Variants in PDE6B observed in about 807,000 individuals in gnomAD.
The protein encoded by PDE6B is rod cGMP-specific 3',5'-cyclic phosphodiesterase subunit beta.
A neutral mutation model predicts 109.0 loss-of-function variants in PDE6B; 106 were observed. The ratio of observed to expected loss-of-function variants is 0.97; its 90% confidence interval spans 0.83 to 1.14. The LOEUF (loss-of-function observed/expected upper bound fraction) is 1.14, where lower values mean the gene tolerates loss of function less well. Among genes scored for constraint, PDE6B ranks in the 50% most tolerant of loss-of-function variants. The pLI is 0.00. For synonymous variants in PDE6B, 490 were observed against 471.3 expected (o/e 1.04, Z -0.51); for missense variants, 1,193 against 1,155.6 (o/e 1.03, Z -0.47).
In PDE6B at chr4:625,802, T is replaced by A. The variant is rs749588111; in HGVS notation, c.176T>A (p.Leu59Gln). 3 of 1,613,300 alleles carry A rather than the reference T, an allele frequency of 1.9e-6. No individual in the cohort carries two copies. The highest frequency in any genetic ancestry group is 2.5e-6 in the Non-Finnish European group (3 of 1,179,946). The change falls in exon 1 of 22, where the codon CTG (leucine) becomes CAG (glutamine). Residue 59 changes from leucine to glutamine, a missense_variant. Coordinates refer to ENST00000496514, the MANE Select transcript of PDE6B (RefSeq NM_000283.4). This position sits in a 1 kb window ranked among gnomAD's most constrained non-coding sequence, Gnocchi z 5.0. ...TGCCAGGTGGAGGAGAGCACGGCGC[T>A]GCTGGAGCTGGTGCAGGATATGCAG... ...DLCQVEESTA[L>Q]LELVQDMQES...
chr4:644,679 G>A lies in PDE6B; in HGVS notation c.711+8710G>A, dbSNP rs758696913. ...CGAGTAGCTGGGACTACAGGCACAC[G>A]CCACCACGCCCACCTACTTTTTATA... On this transcript the variant is annotated intron_variant, in intron 3 of 21. Coordinates refer to ENST00000496514, the MANE Select transcript of PDE6B (RefSeq NM_000283.4). Among the ~76,000 whole-genome samples, 9 of 151,984 alleles carry A rather than the reference G, an allele frequency of 5.9e-5. No individual in the cohort carries two copies. The South Asian group carries it at 6.2e-4, about 11-fold the overall frequency.
chr4:666,396 C>T lies in PDE6B; in HGVS notation c.2269-135C>T. The T allele has an allele frequency of 1.4e-6, 1 of 702,914 alleles. No homozygotes were observed. The highest frequency in any genetic ancestry group is 1.5e-5 in the South Asian group (1 of 68,464). The allele number at this position is 702,914 out of a possible 1,614,324, so 43.5% of individuals were successfully genotyped here. Reference sequence around the variant, plus strand: ...GGTGTCAGCTTCCCCTCCCGAGAGCCAGTTTCTGTCAGGCAGGCTCGTCCC... The same window carrying T: ...GGTGTCAGCTTCCCCTCCCGAGAGCTAGTTTCTGTCAGGCAGGCTCGTCCC... On this transcript the variant is annotated intron_variant, in intron 19 of 21. Coordinates refer to ENST00000496514, the MANE Select transcript of PDE6B (RefSeq NM_000283.4). The surrounding 1 kb of genome is among the most constrained non-coding windows in gnomAD (Gnocchi z 5.6).
chr4:659,264 C>T (rs774797477), intron 11 of PDE6B, among the ~76,000 whole-genome samples: 10 of 152,188 alleles, frequency 6.6e-5, no homozygotes, highest in Non-Finnish European at 1.2e-4. Flanking sequence ...TTGATGTCTG[C>T]ACTCCTGAGT....
intron 1 of PDE6B, among the ~76,000 whole-genome samples, chr4:627,164 T>TTTTTTA (rs1734151490): frequency 6.6e-6 from 1 of 151,338 alleles, no homozygotes; most frequent in African/African-American, 2.4e-5. Flanking sequence ...TTTTTTTTTT[T>TTTTTTA]GAGACAGAGT....
chr4:668,034 G>A, intron 21 of PDE6B, 28 bp downstream of exon 21: 1 of 1,602,802 alleles, frequency 6.2e-7, no homozygotes. Flanking sequence ...CTGTGGGGCA[G>A]GGACTCGGTG....
chr4:633,861 CG>C lies in PDE6B; in HGVS notation c.469-810del, dbSNP rs1196013862. ...CTCTGAAGGACAGAATCCCAGTCAC[CG>C]GGGGGTGTCTGGTCTCAGTAACCCT... On this transcript the variant is annotated intron_variant, in intron 1 of 21. Transcript: ENST00000496514. This position sits in a 1 kb window ranked among gnomAD's most constrained non-coding sequence, Gnocchi z 4.5. Among the ~76,000 whole-genome samples the C allele has an allele frequency of 5.3e-5, 8 of 152,136 alleles. No homozygotes were observed. The highest frequency in any genetic ancestry group is 1.9e-4 in the African/African-American group (8 of 41,426).
intron 3 of PDE6B, among the ~76,000 whole-genome samples, chr4:649,908 C>T (rs1347472808): frequency 1.3e-5 from 2 of 152,238 alleles, no homozygotes; most frequent in Non-Finnish European, 2.9e-5. Context: ...GTCTCTGTGC[C>T]TTCTGCCCCC....
rs60635284 is a variant in PDE6B, at chr4:656,985, G to T, written c.1219G>T (p.Gly407Trp). The part of the protein sequence containing the change: ...GVATFYNRKD[G>W]KPFDEQDEVL... ...CGCCACATTTTACAACAGGAAAGAC[G>T]GGAAGCCCTTTGACGAACAGGACGA... The change falls in exon 9 of 22, where the codon GGG becomes TGG. Residue 407 changes from glycine (G) to tryptophan (W), a missense_variant. Transcript: ENST00000496514. The T allele has an allele frequency of 1.2e-6, 2 of 1,613,278 alleles. No individual in the cohort carries two copies. Among genetic ancestry groups the T allele is most frequent in the Non-Finnish European group, 1.7e-6 (2 of 1,179,944 alleles).
intron 17 of PDE6B, among the ~76,000 whole-genome samples, chr4:664,544 A>G (rs1245655884): frequency 6.6e-6 from 1 of 152,170 alleles, no homozygotes; most frequent in Admixed American, 6.5e-5. Flanking sequence ...CCAGGGACCC[A>G]GTGAGAAAAT....
At position 656,933 on chromosome 4, in the gene PDE6B, C is replaced by T. The variant is rs1451203261; in HGVS notation, c.1167C>T (p.Val389=). 6.2e-7 allele frequency: 1 copy of T among 1,613,048 alleles called. No homozygotes were observed. The highest frequency in any genetic ancestry group is 1.1e-5 in the South Asian group (1 of 91,088). The change falls in exon 9 of 22, where the codon GTC becomes GTT. Residue 389 remains valine, a synonymous_variant. Coordinates refer to ENST00000496514, the MANE Select transcript of PDE6B (RefSeq NM_000283.4). The part of the protein sequence containing the change: ...LIKNVLSMPI[V]NKKEEIVGVA... ...AGAATGTGCTGTCCATGCCCATCGT[C>T]AACAAGAAGGAGGAGATTGTGGGAG...
chr4:631,487 C>T (rs1205774031), intron 1 of PDE6B, among the ~76,000 whole-genome samples: 1 of 150,700 alleles, frequency 6.6e-6, no homozygotes, highest in Non-Finnish European at 1.5e-5. Context: ...CCCTGTGGCG[C>T]TGTCTGAAGG....
At chr4:643,197 A>G (rs1473325689) in intron 3 of PDE6B, among the ~76,000 whole-genome samples, 1 of 152,042 alleles carries the variant, frequency 6.6e-6, no homozygotes, top group Non-Finnish European at 1.5e-5. Flanking sequence ...AGTCCCAGCT[A>G]CTCAGGAGGC....
rs1734663082 is a variant in PDE6B, at chr4:636,045, G to A, written c.711+76G>A. ...CCCATCTCGCTGCCTGCACAGAGGC[G>A]GGTGGTGGCAGGTGGTCTTGTGCTC... On this transcript the variant is annotated intron_variant, in intron 3 of 21. Coordinates refer to ENST00000496514, the MANE Select transcript of PDE6B (RefSeq NM_000283.4). The surrounding 1 kb of genome is among the most constrained non-coding windows in gnomAD (Gnocchi z 4.5). 5 of 882,314 alleles carry A rather than the reference G, an allele frequency of 5.7e-6. No individual in the cohort carries two copies. The highest frequency in any genetic ancestry group is 3.4e-5 in the Admixed American group (2 of 58,280). 54.7% of individuals were successfully genotyped at this position (882,314 alleles called of 1,614,324 possible).
In PDE6B at chr4:626,469, G is replaced by A. The variant is rs1212086271; in HGVS notation, c.468+375G>A. Among the ~76,000 whole-genome samples the A allele has an allele frequency of 1.3e-5, 2 of 152,224 alleles. No individual in the cohort carries two copies. The highest frequency in any genetic ancestry group is 3.8e-4 in the East Asian group (2 of 5,196). ...GCTTCCAGGAAGACTGACCAGATGG[G>A]GGCTTCAGGGCTCTCTGGGCTGGGA... On this transcript the variant is annotated intron_variant, in intron 1 of 21. Transcript: ENST00000496514. The surrounding 1 kb of genome is among the most constrained non-coding windows in gnomAD (Gnocchi z 4.6).
At chr4:668,082 C>T (rs1738010995) in intron 21 of PDE6B, 76 bp downstream of exon 21, 8 of 1,416,462 alleles carry the variant, frequency 5.6e-6, no homozygotes, top group Non-Finnish European at 7.8e-6. Flanking sequence ...GGGCACAGAG[C>T]AGAGTTAAAA....
chr4:660,565 G>C lies in PDE6B; in HGVS notation c.1566G>C (p.Gln522His). Residue 522 changes from glutamine (Q) to histidine (H), a missense_variant, in exon 12 of 22, where the codon CAG (glutamine) becomes CAC (histidine). By Grantham distance (24) the Gln-to-His change is conservative. Coordinates refer to ENST00000496514, the MANE Select transcript of PDE6B (RefSeq NM_000283.4). The part of the protein sequence containing the change: ...TELDLVKCGI[Q>H]MYYELGVVRK... ...TGGACCTGGTCAAATGTGGCATCCA[G>C]ATGTACTACGAGCTGGGCGTGGTCC... 5.0e-6 allele frequency: 8 copies of C among 1,613,892 alleles called. No individual in the cohort carries two copies. Among genetic ancestry groups the C allele is most frequent in the Non-Finnish European group, 5.9e-6 (7 of 1,179,944 alleles).
At chr4:642,725 CAAAAAAA>C (rs71636506) in intron 3 of PDE6B, among the ~76,000 whole-genome samples, 6 of 43,336 alleles carry the variant, frequency 1.4e-4, no homozygotes, top group South Asian at 9.0e-4. Context: ...GACACTGTCT[CAAAAAAA>C]AAAAAAAAAA....
chr4:647,180 C>T (rs908513996), intron 3 of PDE6B, among the ~76,000 whole-genome samples: 3 of 151,908 alleles, frequency 2.0e-5, no homozygotes, highest in Non-Finnish European at 4.4e-5. Context: ...TTTTAAATTC[C>T]CAGTCTGATA....
In PDE6B at chr4:662,003, G is replaced by C. The variant is rs1560131885; in HGVS notation, c.1615-131G>C. 2.9e-6 allele frequency: 2 copies of C among 689,490 alleles called. No homozygotes were observed. The highest frequency in any genetic ancestry group is 5.3e-6 in the Non-Finnish European group (2 of 376,048). 42.7% of individuals were successfully genotyped at this position (689,490 alleles called of 1,614,324 possible). A position where few individuals can be genotyped will look rare whatever the true frequency, so the allele number is the denominator to read the frequency against. Reference sequence around the variant, plus strand: ...GGGAAACGCAGGGATGGGGAAGATCGGGAAGTCCAGGAGACGGTGTGGGGA... The same window carrying C: ...GGGAAACGCAGGGATGGGGAAGATCCGGAAGTCCAGGAGACGGTGTGGGGA... On this transcript the variant is annotated intron_variant, in intron 12 of 21. Transcript: ENST00000496514. This position sits in a 1 kb window ranked among gnomAD's most constrained non-coding sequence, Gnocchi z 4.3.
Sources: gnomAD v4.1 joint callset for allele counts (sites outside exome capture counted in the v4.1 genomes callset) on GRCh38, gnomAD v4.1.1 for gene constraint, Gnocchi (gnomAD v3.1) non-coding constraint, MANE v1.5 for transcripts, NCBI Gene and HGNC (gene_info 2026-07-23, HGNC 2026-07-21) for gene names.